Variants in MBP observed in about 807,000 individuals in gnomAD.
MBP encodes myelin basic protein.
Under a neutral mutation model 35.8 loss-of-function variants are expected in MBP, and 16 were observed. The observed-to-expected ratio is 0.45, with a 90% confidence interval of 0.30 to 0.68. The LOEUF is 0.68. Ranked by LOEUF, MBP falls within the 30% of genes least tolerant of loss-of-function variation. The probability of loss-of-function intolerance (pLI) is 0.08; values close to 1 mark genes in which losing one functional copy is unlikely to be tolerated. For synonymous variants in MBP, 143 were observed against 159.6 expected (o/e 0.90, Z 0.78); for missense variants, 380 against 404.7 (o/e 0.94, Z 0.52).
chr18:77,028,300 G>A (rs1972315788), intron 3 of MBP, among the ~76,000 whole-genome samples: 1 of 137,750 alleles, frequency 7.3e-6, no homozygotes. Flanking sequence ...AGAGCACAGG[G>A]TTGGGGGTAA....
At chr18:77,129,542 C>T (rs367829797) in intron 1 of MBP, among the ~76,000 whole-genome samples, 9 of 152,320 alleles carry the variant, frequency 5.9e-5, no homozygotes, top group African/African-American at 1.9e-4. Context: ...CTGTCCACTA[C>T]AGGTTTTGAC....
At chr18:77,106,564 C>T (rs986763991) in intron 1 of MBP, among the ~76,000 whole-genome samples, 6 of 152,072 alleles carry the variant, frequency 3.9e-5, no homozygotes, top group Non-Finnish European at 7.4e-5. Flanking sequence ...AAACTGGGGC[C>T]CACGATAAGA....
intron 7 of MBP, 75 bp from the exon 8 acceptor site, chr18:76,984,969 A>C (rs1375023395): frequency 1.1e-5 from 18 of 1,590,420 alleles, no homozygotes; most frequent in Non-Finnish European, 1.5e-5. Flanking sequence ...GGGAGCTGCC[A>C]CCAGGGCCCC....
At chr18:77,059,174 T>G (rs915752658) in intron 3 of MBP, among the ~76,000 whole-genome samples, 1 of 152,220 alleles carries the variant, frequency 6.6e-6, no homozygotes, top group Non-Finnish European at 1.5e-5. Flanking sequence ...TGGTTTCTAG[T>G]AGCAAACTTG....
At chr18:77,122,086 G>C (rs760862176) in intron 1 of MBP, among the ~76,000 whole-genome samples, 26 of 152,138 alleles carry the variant, frequency 1.7e-4, no homozygotes, top group Non-Finnish European at 3.1e-4. Context: ...GAAAGTATAG[G>C]CTCTTGCTGT....
chr18:77,095,760 C>A (rs1321454756), intron 2 of MBP, among the ~76,000 whole-genome samples: 1 of 152,204 alleles, frequency 6.6e-6, no homozygotes, highest in Non-Finnish European at 1.5e-5. Context: ...GGCTTCTGGA[C>A]CTGCCTCTGG....
intron 3 of MBP, among the ~76,000 whole-genome samples, chr18:77,029,407 GA>G (rs1160663501): frequency 7.1e-6 from 1 of 139,946 alleles, no homozygotes. Flanking sequence ...CGTGGAAAGA[GA>G]GGGAGAGGGA....
intron 3 of MBP, among the ~76,000 whole-genome samples, chr18:77,062,074 C>T (rs1974006282): frequency 6.6e-6 from 1 of 152,190 alleles, no homozygotes; most frequent in South Asian, 2.1e-4. Flanking sequence ...ACACGGAGTC[C>T]ACATCCCTCC....
At chr18:77,051,642 G>A (rs1276428129) in intron 3 of MBP, among the ~76,000 whole-genome samples, 1 of 152,200 alleles carries the variant, frequency 6.6e-6, no homozygotes, top group Non-Finnish European at 1.5e-5. Flanking sequence ...TCTTCCACAT[G>A]TGGAAGGAGA....
At chr18:77,039,151 C>T (rs1232550760) in intron 3 of MBP, among the ~76,000 whole-genome samples, 2 of 152,234 alleles carry the variant, frequency 1.3e-5, no homozygotes, top group African/African-American at 4.8e-5. Flanking sequence ...CTTTTGTGCA[C>T]TGATGGCAGG....
At chr18:77,004,120 C>T (rs1599527535) in intron 4 of MBP, 3 of 152,210 alleles carry the variant, frequency 2.0e-5, no homozygotes, top group South Asian at 2.1e-4. Flanking sequence ...GCTGTCTCCC[C>T]TTTTCTTACT....
At chr18:77,028,770 C>G (rs1385851901) in intron 3 of MBP, among the ~76,000 whole-genome samples, 1 of 102,364 alleles carries the variant, frequency 9.8e-6, no homozygotes, top group African/African-American at 2.7e-5. Flanking sequence ...ACCTCCCTCC[C>G]GGACGGGGTG....
At chr18:76,985,937 G>A (rs977880903) in intron 7 of MBP, 9 of 985,986 alleles carry the variant, frequency 9.1e-6, no homozygotes, top group African/African-American at 3.5e-5. Flanking sequence ...CCGTGTGACC[G>A]CAGGGGCTTC....
rs60600826 is a variant in MBP, at chr18:77,084,431, C to CACACACACACACA, written c.52-18047_52-18046insTGTGTGTGTGTGT. ...ACACCGCCCCCCCCGCCACACCACA[C>CACACACACACACA]CACACACACACACACACACACACAC... On this transcript the variant is annotated intron_variant, in intron 2 of 8. Coordinates refer to ENST00000355994, the MANE Select transcript of MBP (RefSeq NM_001025101.2). Among the ~76,000 whole-genome samples the CACACACACACACA allele has an allele frequency of 9.7e-3, 1,025 of 105,954 alleles. 38 individuals carry two copies. Among genetic ancestry groups the CACACACACACACA allele is most frequent in the Middle Eastern group, 0.02 (4 of 196 alleles). 69.5% of individuals were successfully genotyped at this position (105,954 alleles called of 152,430 possible).
intron 4 of MBP, among the ~76,000 whole-genome samples, chr18:76,997,757 A>G (rs376780415): frequency 4.7e-5 from 7 of 150,010 alleles, no homozygotes; most frequent in Non-Finnish European, 7.4e-5. Context: ...ACCTCGGCTC[A>G]CTGCAAGCTC....
intron 3 of MBP, among the ~76,000 whole-genome samples, chr18:77,060,828 GCA>G (rs1555722886): frequency 6.6e-6 from 1 of 152,194 alleles, no homozygotes; most frequent in Non-Finnish European, 1.5e-5. Flanking sequence ...GAGGAAACAG[GCA>G]CAGAGAGATG....
intron 1 of MBP, among the ~76,000 whole-genome samples, chr18:77,116,718 G>A (rs924737588): frequency 4.6e-5 from 7 of 152,172 alleles, no homozygotes; most frequent in Non-Finnish European, 7.4e-5. Context: ...ACTTCACCGC[G>A]TATGGTGGTG....
intron 3 of MBP, among the ~76,000 whole-genome samples, chr18:77,021,952 A>G (rs1206385015): frequency 6.6e-6 from 1 of 152,086 alleles, no homozygotes; most frequent in Non-Finnish European, 1.5e-5. Context: ...GGGGGATGCG[A>G]AGAGGGGAGG....
At chr18:77,061,555 C>T (rs1169100691) in intron 3 of MBP, among the ~76,000 whole-genome samples, 1 of 152,174 alleles carries the variant, frequency 6.6e-6, no homozygotes, top group East Asian at 1.9e-4. Context: ...TAGGGCTCTA[C>T]CACCTGCTGT....
Sources: gnomAD v4.1 joint callset for allele counts (sites outside exome capture counted in the v4.1 genomes callset) on GRCh38, gnomAD v4.1.1 for gene constraint, MANE v1.5 for transcripts, NCBI Gene and HGNC (gene_info 2026-07-23, HGNC 2026-07-21) for gene names.